ECPAS: variants seen among roughly 807,000 people sequenced by gnomAD.
The protein encoded by ECPAS is Ecm29 proteasome adaptor and scaffold.
A neutral mutation model predicts 255.1 loss-of-function variants in ECPAS; 70 were observed. That is an observed-to-expected ratio of 0.27 (90% CI 0.23 to 0.33). ECPAS has a LOEUF of 0.33. Ranked by LOEUF, ECPAS falls within the 10% of genes least tolerant of loss-of-function variation. The pLI is 1.00. For synonymous variants in ECPAS, 784 were observed against 775.0 expected (o/e 1.01, Z -0.19); for missense variants, 1,817 against 2,206.4 (o/e 0.82, Z 3.54).
chr9:111,381,356 T>C (rs1037490609), intron 35 of ECPAS, among the ~76,000 whole-genome samples: 1 of 152,182 alleles, frequency 6.6e-6, no homozygotes, highest in Admixed American at 6.5e-5. Flanking sequence ...ACCAATTAAG[T>C]TCACCATCTT....
intron 1 of ECPAS, among the ~76,000 whole-genome samples, chr9:111,482,841 G>A (rs12347631): frequency 0.32 from 44,566 of 139,090 alleles, 8,082 homozygotes; most frequent in Non-Finnish European, 0.43. Context: ...GGGGCGGCCT[G>A]GGATTCAGGG....
chr9:111,391,889 C>G, intron 28 of ECPAS, 65 bp from the exon 29 acceptor site: 1 of 1,015,208 alleles, frequency 9.9e-7, no homozygotes, highest in Non-Finnish European at 1.5e-6. Flanking sequence ...CTAGCCAATA[C>G]GATTCATTTA....
intron 25 of ECPAS, 111 bp from the exon 26 acceptor site, chr9:111,394,416 T>C: frequency 9.9e-7 from 1 of 1,012,420 alleles, no homozygotes; most frequent in East Asian, 3.0e-5. Context: ...TATATAAAAA[T>C]CTAAATGGCT....
At position 111,444,447 on chromosome 9, in the gene ECPAS, G is replaced by C. The variant is rs753942044; in HGVS notation, c.201C>G (p.Pro67=). 3.7e-6 allele frequency: 6 copies of C among 1,613,760 alleles called. No individual in the cohort carries two copies. The South Asian group carries it at 4.4e-5, about 12-fold the overall frequency. Residue 67 remains proline (P), a synonymous_variant, in exon 4 of 50, where the codon CCC becomes CCG. Coordinates refer to ENST00000684092, the MANE Select transcript of ECPAS (RefSeq NM_001364929.1). ...VHLNKRIKSR[P]KIQLPVETLL... is the part of the protein sequence containing the mutation. ...GTGTCTCTACTGGAAGTTGTATTTT[G>C]GGGCGGCTTTTTATACGTTTATTCA... is the stretch of plus-strand genomic sequence containing the variant.
chr9:111,432,938 C>G (rs1487863296), intron 8 of ECPAS, among the ~76,000 whole-genome samples: 1 of 152,120 alleles, frequency 6.6e-6, no homozygotes, highest in South Asian at 2.1e-4. Context: ...TTTCTTGGAA[C>G]TGACACTTTT....
chr9:111,416,138 A>G (rs1310778161), intron 18 of ECPAS, 134 bp downstream of exon 18: 2 of 588,556 alleles, frequency 3.4e-6, no homozygotes, highest in African/African-American at 3.7e-5. Flanking sequence ...TTAAATAAAC[A>G]ACCCGATGAA....
chr9:111,469,990 G>C (rs1048498379), intron 2 of ECPAS, among the ~76,000 whole-genome samples: 46 of 152,266 alleles, frequency 3.0e-4, no homozygotes, highest in African/African-American at 1.0e-3. Context: ...GGAGTGGGGA[G>C]AAGATCCATT....
chr9:111,415,252 T>TGA (rs34072206), intron 18 of ECPAS, among the ~76,000 whole-genome samples: 71,199 of 150,032 alleles, frequency 0.47, 17,833 homozygotes, highest in Non-Finnish European at 0.58. Flanking sequence ...TGTGTGTGTG[T>TGA]GAGAGAGAGA....
intron 1 of ECPAS, among the ~76,000 whole-genome samples, chr9:111,477,833 G>C (rs2098298334): frequency 6.6e-6 from 1 of 151,266 alleles, no homozygotes; most frequent in Admixed American, 6.6e-5. Context: ...CATGAGGTTT[G>C]TGAAAGGATA....
intron 1 of ECPAS, among the ~76,000 whole-genome samples, chr9:111,477,971 G>A (rs12377223): frequency 2.0e-5 from 3 of 150,162 alleles, no homozygotes; most frequent in Non-Finnish European, 4.4e-5. Flanking sequence ...TGTGATCTCA[G>A]CTCACTGCAG....
rs545841631 is a variant in ECPAS, at chr9:111,479,663, T to TA, written c.-83+4452dup. ...TTATGTGTATTTTACTACTATTTTTTAAAAAATAAAGTAAAACTAAAAAAG... is the reference window on the plus strand; with the variant it reads ...TTATGTGTATTTTACTACTATTTTTTAAAAAAATAAAGTAAAACTAAAAAAG... On this transcript the variant is annotated intron_variant, in intron 1 of 49. Coordinates refer to ENST00000684092, the MANE Select transcript of ECPAS (RefSeq NM_001364929.1). Among the ~76,000 whole-genome samples the TA allele has an allele frequency of 1.4e-4, 22 of 152,018 alleles. No homozygotes were observed. The South Asian group carries it at 3.9e-3, about 27-fold the overall frequency.
intron 2 of ECPAS, among the ~76,000 whole-genome samples, chr9:111,467,615 A>G (rs2098281162): frequency 6.6e-6 from 1 of 152,168 alleles, no homozygotes; most frequent in Non-Finnish European, 1.5e-5. Context: ...ATTGAAGAGA[A>G]AGCTGAAAAT....
intron 31 of ECPAS, among the ~76,000 whole-genome samples, chr9:111,387,171 A>G (rs945291165): frequency 4.7e-5 from 7 of 147,574 alleles, no homozygotes; most frequent in South Asian, 2.2e-4. Flanking sequence ...CTCACTCATC[A>G]TCAGTGCAGT....
At chr9:111,369,745 G>GTT (rs1564495393) in intron 45 of ECPAS, among the ~76,000 whole-genome samples, 17 of 150,868 alleles carry the variant, frequency 1.1e-4, no homozygotes, top group Admixed American at 6.6e-4. Flanking sequence ...TTTTTTTTGG[G>GTT]GGGGGGACCA....
intron 35 of ECPAS, among the ~76,000 whole-genome samples, chr9:111,382,695 A>G (rs142201088): frequency 1.7e-4 from 26 of 152,168 alleles, no homozygotes; most frequent in African/African-American, 6.3e-4. Flanking sequence ...AATTTGTTCT[A>G]CTCTTAAGAG....
chr9:111,467,823 A>G (rs1293581628), intron 2 of ECPAS, among the ~76,000 whole-genome samples: 1 of 152,170 alleles, frequency 6.6e-6, no homozygotes, highest in Non-Finnish European at 1.5e-5. Flanking sequence ...TCTGAGCCTC[A>G]GAAAAATGTT....
chr9:111,445,040 G>A lies in ECPAS; in HGVS notation c.154-546C>T, dbSNP rs553597379. Among the ~76,000 whole-genome samples the A allele has an allele frequency of 3.6e-5, 5 of 137,356 alleles. No homozygotes were observed. The South Asian group carries it at 1.2e-3, about 32-fold the overall frequency. The allele number at this position is 137,356 out of a possible 152,430, so 90.1% of individuals were successfully genotyped here. On this transcript the variant is annotated intron_variant, in intron 3 of 49. Transcript: ENST00000684092. ...ACATGGAGTCTCGCTCTGTTGCCCA[G>A]GCTAGAGTGTAGTGGTGCGATCTCA...
intron 3 of ECPAS, among the ~76,000 whole-genome samples, chr9:111,447,062 T>C (rs1029977629): frequency 2.0e-5 from 3 of 152,164 alleles, no homozygotes; most frequent in Non-Finnish European, 2.9e-5. Flanking sequence ...TAGAAAATTA[T>C]TATCGATGGA....
Position 111,407,428 on chromosome 9 carries a change from A to AAAAAAAAAAAAAAAAAAAAAAAAAAAAG in ECPAS, c.2652+1142_2652+1143insCTTTTTTTTTTTTTTTTTTTTTTTTTTT, listed in dbSNP as rs751687233. 1.5e-4 allele frequency among the ~76,000 whole-genome samples: 15 copies of AAAAAAAAAAAAAAAAAAAAAAAAAAAAG among 98,724 alleles called. 3 individuals carry two copies. Among genetic ancestry groups the AAAAAAAAAAAAAAAAAAAAAAAAAAAAG allele is most frequent in the Non-Finnish European group, 3.1e-4 (12 of 38,760 alleles). The allele number at this position is 98,724 out of a possible 152,430, so 64.8% of individuals were successfully genotyped here. ...GAAAAAAAAAAAAAAAAAAAAAAAA[A>AAAAAAAAAAAAAAAAAAAAAAAAAAAAG]AAAAAAAAAACCTAGAAGAAACCCA... is the stretch of plus-strand genomic sequence containing the variant. On this transcript the variant is annotated intron_variant, in intron 24 of 49. Coordinates refer to ENST00000684092, the MANE Select transcript of ECPAS (RefSeq NM_001364929.1).
Sources: allele counts gnomAD v4.1 joint callset (sites outside exome capture counted in the v4.1 genomes callset), GRCh38; gene constraint gnomAD v4.1.1; transcripts MANE v1.5; gene names NCBI Gene and HGNC (gene_info 2026-07-23, HGNC 2026-07-21).